The following PDS5B variants were observed in gnomAD, a reference collection of about 807,000 sequenced individuals.
The protein encoded by PDS5B is PDS5 cohesin associated factor B.
PDS5B carries 51 observed loss-of-function variants against 184.1 expected under a neutral mutation model. The ratio of observed to expected loss-of-function variants is 0.28; its 90% CI spans 0.22 to 0.35. PDS5B has a LOEUF of 0.35. PDS5B is among the 10% of genes least tolerant of loss of function. PDS5B has a pLI of 1.00. For missense variants in PDS5B, 1,180 were observed against 1,723.3 expected (o/e 0.68, Z 5.58); for synonymous variants, 566 against 569.2 (o/e 0.99, Z 0.08).
At chr13:32,656,017 A>G (rs1462381172) in intron 3 of PDS5B, among the ~76,000 whole-genome samples, 1 of 152,126 alleles carries the variant, frequency 6.6e-6, no homozygotes, top group Non-Finnish European at 1.5e-5. Context: ...GTTTGAGGAA[A>G]GGGTCCAGTT....
rs1593679484 is a variant in PDS5B, at chr13:32,777,247, C to T, written c.*2195C>T. On this transcript the variant is annotated 3_prime_UTR_variant, in exon 35 of 35. Transcript: ENST00000315596. ...GTACAGCAGTTCACAAAAAAATGTT[C>T]ATTGTAGATTTTGTTATGTTCAATG... 3 of 151,666 alleles carry T rather than the reference C, an allele frequency of 2.0e-5. No individual in the cohort carries two copies. 9.4% of individuals were successfully genotyped at this position (151,666 alleles called of 1,614,324 possible).
At chr13:32,642,719 T>TG (rs1253917810) in intron 1 of PDS5B, among the ~76,000 whole-genome samples, 1 of 151,198 alleles carries the variant, frequency 6.6e-6, no homozygotes, top group East Asian at 2.0e-4. Context: ...CAGTCATACT[T>TG]CTGGTCCAGT....
chr13:32,629,519 G>A (rs9595948), intron 1 of PDS5B, among the ~76,000 whole-genome samples: 55,100 of 151,976 alleles, frequency 0.36, 10,523 homozygotes, highest in Non-Finnish European at 0.43. Context: ...TATCCTTGTT[G>A]GAGTTATCCA....
chr13:32,719,117 G>T (rs1224510067), intron 19 of PDS5B, among the ~76,000 whole-genome samples: 1 of 152,142 alleles, frequency 6.6e-6, no homozygotes, highest in East Asian at 1.9e-4. Context: ...TTCCTTGTTT[G>T]TAGAGGAAGG....
At chr13:32,735,790 C>T (rs1953309801) in intron 21 of PDS5B, among the ~76,000 whole-genome samples, 1 of 152,056 alleles carries the variant, frequency 6.6e-6, no homozygotes, top group African/African-American at 2.4e-5. Context: ...TTTGTATCTG[C>T]TGTGACAGCA....
chr13:32,647,790 G>T (rs1042011069), intron 1 of PDS5B, among the ~76,000 whole-genome samples: 1 of 152,068 alleles, frequency 6.6e-6, no homozygotes, highest in Non-Finnish European at 1.5e-5. Flanking sequence ...CACAAAAATT[G>T]TGTCTGTTTT....
At chr13:32,692,533 C>G (rs1458477782) in intron 13 of PDS5B, among the ~76,000 whole-genome samples, 1 of 145,978 alleles carries the variant, frequency 6.9e-6, no homozygotes, top group Non-Finnish European at 1.5e-5. Flanking sequence ...CTGACTAAAA[C>G]CTGATGGTAG....
chr13:32,621,759 C>T (rs929029173), intron 1 of PDS5B, among the ~76,000 whole-genome samples: 1 of 152,114 alleles, frequency 6.6e-6, no homozygotes, highest in Admixed American at 6.5e-5. Context: ...CACAGGCTGC[C>T]TGCCTCTTTT....
intron 17 of PDS5B, among the ~76,000 whole-genome samples, chr13:32,704,728 TA>T (rs1199645204): frequency 6.6e-6 from 1 of 152,236 alleles, no homozygotes; most frequent in Non-Finnish European, 1.5e-5. Context: ...CCGTAAAATT[TA>T]TTGGCTGTTC....
Position 32,658,448 on chromosome 13 carries a change from C to G in PDS5B, c.414C>G (p.Val138=), listed in dbSNP as rs1279194310. The G allele has an allele frequency of 6.3e-7, 1 of 1,577,814 alleles. No individual in the cohort carries two copies. Among genetic ancestry groups the G allele is most frequent in the African/African-American group, 1.3e-5 (1 of 74,158 alleles). The change falls in exon 5 of 35, where the codon GTC becomes GTG. Residue 138 remains valine (V), a synonymous_variant. Coordinates refer to ENST00000315596, the MANE Select transcript of PDS5B (RefSeq NM_015032.4). ...YFYLLENIAW[V]KSYNICFELE... ...CTTATTTTTAGAACATTGCTTGGGT[C>G]AAGTCATATAACATATGCTTTGAGT...
rs533900793 is a variant in PDS5B at position 32,722,337 on chromosome 13, C to T, written c.2124-9764C>T. ...TCCAGCCTCGGCAACAGAGGGAGAC[C>T]GTGGAAAGCGGGAGATGGAGACGAT... On this transcript the variant is annotated intron_variant, in intron 19 of 34. Transcript: ENST00000315596. 9.9e-5 allele frequency among the ~76,000 whole-genome samples: 15 copies of T among 152,280 alleles called. No homozygotes were observed. The South Asian group carries it at 1.4e-3, about 15-fold the overall frequency.
At chr13:32,635,719 A>G (rs1266848142) in intron 1 of PDS5B, among the ~76,000 whole-genome samples, 5 of 127,796 alleles carry the variant, frequency 3.9e-5, no homozygotes, top group African/African-American at 1.3e-4. Flanking sequence ...TGGTTGGGCT[A>G]ACGTTTTTGT....
At chr13:32,651,724 G>C in intron 2 of PDS5B, 80 bp from the exon 3 acceptor site, 1 of 794,814 alleles carries the variant, frequency 1.3e-6, no homozygotes, top group Non-Finnish European at 2.1e-6. Flanking sequence ...GTTAACCTTA[G>C]CAATTAACAT....
intron 1 of PDS5B, among the ~76,000 whole-genome samples, chr13:32,601,686 A>G (rs1593243221): frequency 1.3e-5 from 2 of 152,238 alleles, no homozygotes; most frequent in South Asian, 4.1e-4. Context: ...AAAAATAGAT[A>G]GGGCTGTTGG....
chr13:32,621,504 T>G (rs1022495978), intron 1 of PDS5B, among the ~76,000 whole-genome samples: 2 of 152,140 alleles, frequency 1.3e-5, no homozygotes, highest in Non-Finnish European at 2.9e-5. Context: ...TTCTCTTTGT[T>G]TCTGTGTTCT....
intron 23 of PDS5B, among the ~76,000 whole-genome samples, chr13:32,743,997 ATTTC>A (rs1475675341): frequency 2.0e-5 from 3 of 151,998 alleles, no homozygotes; most frequent in Non-Finnish European, 4.4e-5. Context: ...ATTATTTTAT[ATTTC>A]TTATTTGGCC....
intron 1 of PDS5B, among the ~76,000 whole-genome samples, chr13:32,600,846 T>G (rs937861160): frequency 6.6e-6 from 1 of 152,176 alleles, no homozygotes; most frequent in Non-Finnish European, 1.5e-5. Context: ...TGCTGCTGAG[T>G]TCTTTGAGCT....
At chr13:32,615,756 A>G (rs1007443001) in intron 1 of PDS5B, among the ~76,000 whole-genome samples, 1 of 152,194 alleles carries the variant, frequency 6.6e-6, no homozygotes, top group African/African-American at 2.4e-5. Flanking sequence ...AAGCATGGAT[A>G]TAAAATATCT....
intron 34 of PDS5B, among the ~76,000 whole-genome samples, chr13:32,773,646 A>G (rs1954864440): frequency 6.6e-6 from 1 of 151,794 alleles, no homozygotes; most frequent in African/African-American, 2.4e-5. Flanking sequence ...ATATTTTACA[A>G]CTCTCCGTTT....
Sources: allele counts gnomAD v4.1 joint callset (sites outside exome capture counted in the v4.1 genomes callset), GRCh38; gene constraint gnomAD v4.1.1; transcripts MANE v1.5; gene names NCBI Gene and HGNC (gene_info 2026-07-23, HGNC 2026-07-21).